MICAL2: variants seen among roughly 807,000 people sequenced by gnomAD.
The protein encoded by MICAL2 is microtubule associated monooxygenase, calponin and LIM domain containing 2, also known as [F-actin]-monooxygenase MICAL2.
MICAL2 carries 77 observed loss-of-function variants against 127.3 expected under a neutral mutation model. That is an observed-to-expected ratio of 0.60 (90% CI 0.50 to 0.73). The LOEUF (loss-of-function observed/expected upper bound fraction) is 0.73, where lower values mean the gene tolerates loss of function less well. Ranked by LOEUF, MICAL2 falls within the 30% of genes least tolerant of loss-of-function variation. The probability of loss-of-function intolerance (pLI) is 0.00; values close to 1 mark genes in which losing one functional copy is unlikely to be tolerated. For missense variants in MICAL2, 1,351 were observed against 1,434.4 expected (o/e 0.94, Z 0.94); for synonymous variants, 570 against 551.1 (o/e 1.03, Z -0.48).
At chr11:12,318,888 C>A (rs1018985552) in intron 29 of MICAL2, among the ~76,000 whole-genome samples, 7 of 152,184 alleles carry the variant, frequency 4.6e-5, no homozygotes, top group Non-Finnish European at 1.0e-4. Flanking sequence ...TGCCTCTAAC[C>A]ATCTACCTCT....
At chr11:12,243,071 C>G (rs546215889) in intron 20 of MICAL2, 1 of 243,874 alleles carries the variant, frequency 4.1e-6, no homozygotes, top group East Asian at 1.2e-4. Context: ...ATTTTCCAAG[C>G]AGGCTCTGAG....
chr11:12,207,559 G>A (rs1262161579), intron 4 of MICAL2, among the ~76,000 whole-genome samples: 1 of 152,208 alleles, frequency 6.6e-6, no homozygotes, highest in Non-Finnish European at 1.5e-5. Flanking sequence ...GGATGTCTAA[G>A]AGCTGAGGCG....
At chr11:12,315,322 A>G (rs1043597998) in intron 29 of MICAL2, among the ~76,000 whole-genome samples, 2 of 152,222 alleles carry the variant, frequency 1.3e-5, no homozygotes, top group African/African-American at 4.8e-5. Flanking sequence ...AGGTAAAGCC[A>G]TACATTTCCC....
intron 2 of MICAL2, among the ~76,000 whole-genome samples, chr11:12,143,985 G>A (rs1018416458): frequency 2.6e-5 from 4 of 152,114 alleles, no homozygotes; most frequent in African/African-American, 4.8e-5. Context: ...TGTCTCCTGG[G>A]CGTGGTTGTT....
At chr11:12,231,699 AC>A (rs1432142135) in intron 15 of MICAL2, among the ~76,000 whole-genome samples, 1 of 152,126 alleles carries the variant, frequency 6.6e-6, no homozygotes, top group African/African-American at 2.4e-5. Context: ...ACAGAACCAC[AC>A]GCCCAGCAGC....
At chr11:12,215,980 G>A (rs1280319527) in intron 7 of MICAL2, among the ~76,000 whole-genome samples, 1 of 152,178 alleles carries the variant, frequency 6.6e-6, no homozygotes, top group Non-Finnish European at 1.5e-5. Flanking sequence ...AACCCCTACA[G>A]ACGTTGTGAG....
chr11:12,304,402 G>A (rs535787019), intron 29 of MICAL2, among the ~76,000 whole-genome samples: 9 of 152,102 alleles, frequency 5.9e-5, no homozygotes, highest in African/African-American at 2.2e-4. Flanking sequence ...AGGCTGAGGC[G>A]GGCAGATCAC....
intron 16 of MICAL2, among the ~76,000 whole-genome samples, chr11:12,237,435 C>T (rs1457737777): frequency 3.3e-5 from 5 of 152,146 alleles, no homozygotes; most frequent in African/African-American, 1.2e-4. Context: ...TCCCAGATTA[C>T]GGGTGTCAGC....
At chr11:12,224,941 C>A in intron 13 of MICAL2, 121 bp downstream of exon 13, 2 of 1,267,252 alleles carry the variant, frequency 1.6e-6, no homozygotes, top group East Asian at 2.5e-5. Context: ...TGAGATTTTT[C>A]TTAACATTTG....
chr11:12,213,163 G>A (rs1197717235), intron 6 of MICAL2, 92 bp from the exon 7 acceptor site: 2 of 1,408,498 alleles, frequency 1.4e-6, no homozygotes, highest in Non-Finnish European at 1.9e-6. Context: ...ACTGGCCTGG[G>A]AGGCATCTGG....
chr11:12,154,529 G>A (rs979862370), intron 2 of MICAL2, among the ~76,000 whole-genome samples: 2 of 152,098 alleles, frequency 1.3e-5, no homozygotes, highest in African/African-American at 2.4e-5. Context: ...TCTGAAATGC[G>A]ATCCTACACA....
At chr11:12,257,237 CTCT>C (rs772865703) in intron 24 of MICAL2, 29 of 390,024 alleles carry the variant, frequency 7.4e-5, no homozygotes, top group East Asian at 7.3e-4. Context: ...CTCTATGTAC[CTCT>C]TCTTATGTAG....
intron 32 of MICAL2, among the ~76,000 whole-genome samples, chr11:12,331,703 G>C (rs1225072541): frequency 3.3e-5 from 5 of 152,172 alleles, no homozygotes; most frequent in African/African-American, 1.2e-4. Context: ...TTACTTTTCT[G>C]CGAAATTTTC....
intron 3 of MICAL2, among the ~76,000 whole-genome samples, chr11:12,168,652 ACTTTTT>A (rs1004579637): frequency 7.2e-5 from 11 of 151,816 alleles, no homozygotes; most frequent in African/African-American, 1.4e-4. Context: ...TTATATATAT[ACTTTTT>A]CTTTATAAGG....
At chr11:12,145,802 G>A (rs1215652435) in intron 2 of MICAL2, among the ~76,000 whole-genome samples, 2 of 152,224 alleles carry the variant, frequency 1.3e-5, no homozygotes, top group Admixed American at 1.3e-4. Context: ...GACATGGCCA[G>A]TTGGACTGCC....
At chr11:12,311,440 C>T (rs900577054) in intron 29 of MICAL2, among the ~76,000 whole-genome samples, 4 of 149,818 alleles carry the variant, frequency 2.7e-5, no homozygotes, top group Non-Finnish European at 5.9e-5. Flanking sequence ...GAGACAGAGT[C>T]TTGCTCTGTT....
intron 29 of MICAL2, among the ~76,000 whole-genome samples, chr11:12,316,907 C>T (rs182448567): frequency 2.8e-4 from 43 of 152,164 alleles, no homozygotes; most frequent in African/African-American, 1.0e-3. Context: ...ATTCATTCCC[C>T]GTGATTTTTC....
rs558116607 is a variant in MICAL2 at position 12,162,096 on chromosome 11, A to C, written c.-60A>C. 9 of 1,603,744 alleles carry C rather than the reference A, an allele frequency of 5.6e-6. No homozygotes were observed. In the African/African-American group the frequency reaches 9.4e-5, roughly 17 times the overall value. On this transcript the variant is annotated 5_prime_UTR_variant, in exon 3 of 28. Coordinates refer to ENST00000683283, the MANE Select transcript of MICAL2 (RefSeq NM_001282663.2). ...TTTCACAGGTGTGACGTTTCTCCAGATACTTCATGCTGTTCACCTGTGTCC... is the reference window on the plus strand; with the variant it reads ...TTTCACAGGTGTGACGTTTCTCCAGCTACTTCATGCTGTTCACCTGTGTCC...
At position 12,204,295 on chromosome 11, in the gene MICAL2, G is replaced by T. The variant is rs780306830; in HGVS notation, c.310G>T (p.Glu104Ter). The T allele has an allele frequency of 6.2e-7, 1 of 1,613,876 alleles. No individual in the cohort carries two copies. The highest frequency in any genetic ancestry group is 8.5e-7 in the Non-Finnish European group (1 of 1,180,036). The change falls in exon 4 of 28, where the codon GAA (glutamate) becomes TAA (stop). Residue 104 changes from glutamate (E) to a stop codon, truncating the protein, a stop_gained. Transcript: ENST00000683283. LOFTEE classifies it high-confidence loss of function. ...ACCCTGTGGCTTGCGCACTGCCATT[G>T]AACTTGCCTACCTGGGAGCCAAAGT... is the stretch of plus-strand genomic sequence containing the variant. ...GGPCGLRTAI[E>*]LAYLGAKVVV...
Sources: allele counts gnomAD v4.1 joint callset (sites outside exome capture counted in the v4.1 genomes callset), GRCh38; gene constraint gnomAD v4.1.1; transcripts MANE v1.5; gene names NCBI Gene and HGNC (gene_info 2026-07-23, HGNC 2026-07-21).